Variants in MYO1D observed in about 807,000 individuals in gnomAD.
MYO1D encodes the protein unconventional myosin-Id.
A neutral mutation model predicts 122.0 loss-of-function variants in MYO1D; 83 were observed. That is an observed-to-expected ratio of 0.68 (90% confidence interval 0.57 to 0.82). MYO1D has a LOEUF of 0.82. Among genes scored for constraint, MYO1D ranks in the 40% least tolerant of loss-of-function variants. The pLI is 0.00. For synonymous variants in MYO1D, 464 were observed against 446.9 expected (o/e 1.04, Z -0.48); for missense variants, 1,157 against 1,269.5 (o/e 0.91, Z 1.35).
At chr17:32,523,019 G>A (rs1002112424) in intron 21 of MYO1D, among the ~76,000 whole-genome samples, 3 of 152,184 alleles carry the variant, frequency 2.0e-5, no homozygotes, top group African/African-American at 7.2e-5. Flanking sequence ...GTTTCACCAT[G>A]TTAGCCAGGA....
In MYO1D at chr17:32,659,240, G is replaced by C; in HGVS notation, c.2220C>G (p.Ile740Met). 6.2e-7 allele frequency: 1 copy of C among 1,614,202 alleles called. No homozygotes were observed. The highest frequency in any genetic ancestry group is 1.7e-5 in the Admixed American group (1 of 60,028). Reference sequence around the variant, plus strand: ...CATGGAAGCGTCTGGCCACCTCGTGGATGTACGACTTCACTTTGTAGCGCC... The same window carrying C: ...CATGGAAGCGTCTGGCCACCTCGTGCATGTACGACTTCACTTTGTAGCGCC... The part of the protein sequence containing the change: ...YYRRYKVKSY[I>M]HEVARRFHGV... The change falls in exon 17 of 22, where the codon ATC (isoleucine) becomes ATG (methionine). Residue 740 changes from isoleucine (I) to methionine (M), a missense_variant. By Grantham distance (10) the Ile-to-Met change is conservative (BLOSUM62 1). Coordinates refer to ENST00000318217, the MANE Select transcript of MYO1D (RefSeq NM_015194.3).
At chr17:32,811,581 C>T (rs1306288151) in intron 1 of MYO1D, among the ~76,000 whole-genome samples, 1 of 151,032 alleles carries the variant, frequency 6.6e-6, no homozygotes, top group Non-Finnish European at 1.5e-5. Flanking sequence ...ACACTGTATG[C>T]CCTCTAGCCA....
intron 16 of MYO1D, among the ~76,000 whole-genome samples, chr17:32,701,441 G>A (rs1197498122): frequency 2.0e-5 from 3 of 152,178 alleles, no homozygotes; most frequent in African/African-American, 7.2e-5. Context: ...AAATTGGTTA[G>A]AATTCTCTGT....
chr17:32,840,926 C>A (rs2090873686), intron 1 of MYO1D, among the ~76,000 whole-genome samples: 1 of 152,156 alleles, frequency 6.6e-6, no homozygotes, highest in African/African-American at 2.4e-5. Context: ...GACCATACTT[C>A]AAGTACCCAT....
intron 21 of MYO1D, among the ~76,000 whole-genome samples, chr17:32,602,163 C>A (rs1022355262): frequency 6.6e-6 from 1 of 152,168 alleles, no homozygotes; most frequent in South Asian, 2.1e-4. Context: ...TCTTCCTTAT[C>A]TCTAGTTAAC....
intron 16 of MYO1D, among the ~76,000 whole-genome samples, chr17:32,684,020 C>T (rs568581691): frequency 6.6e-6 from 1 of 152,190 alleles, no homozygotes; most frequent in East Asian, 1.9e-4. Context: ...CAGGTGCGTC[C>T]GTCACCCCTT....
chr17:32,648,059 T>TA (rs1292832658), intron 19 of MYO1D, among the ~76,000 whole-genome samples: 1 of 151,916 alleles, frequency 6.6e-6, no homozygotes, highest in Non-Finnish European at 1.5e-5. Context: ...ACTAAAAATA[T>TA]AAAAATTAGC....
chr17:32,820,553 T>C (rs991853010), intron 1 of MYO1D, among the ~76,000 whole-genome samples: 3 of 152,142 alleles, frequency 2.0e-5, no homozygotes, highest in Admixed American at 6.5e-5. Flanking sequence ...TGATTTCACT[T>C]ACAATATGGA....
At chr17:32,577,396 T>A (rs539623471) in intron 21 of MYO1D, among the ~76,000 whole-genome samples, 25 of 152,146 alleles carry the variant, frequency 1.6e-4, no homozygotes, top group African/African-American at 5.8e-4. Flanking sequence ...CCTCCCAAAG[T>A]GCTGGGACTA....
intron 17 of MYO1D, among the ~76,000 whole-genome samples, chr17:32,658,133 T>A (rs997671355): frequency 6.6e-6 from 1 of 152,200 alleles, no homozygotes; most frequent in African/African-American, 2.4e-5. Flanking sequence ...TTATGAGCAA[T>A]TATTTCTTTT....
At chr17:32,528,805 C>T (rs1003587252) in intron 21 of MYO1D, among the ~76,000 whole-genome samples, 7 of 152,240 alleles carry the variant, frequency 4.6e-5, no homozygotes, top group Non-Finnish European at 8.8e-5. Flanking sequence ...CTCCCAGAGG[C>T]CGGAGGGGTG....
At chr17:32,704,483 C>T (rs2089283078) in intron 16 of MYO1D, among the ~76,000 whole-genome samples, 1 of 152,124 alleles carries the variant, frequency 6.6e-6, no homozygotes, top group Non-Finnish European at 1.5e-5. Flanking sequence ...TACAATCTTT[C>T]TAGGGGCCAT....
chr17:32,552,448 CCATCCATCCATCCATT>C (rs2087026379), intron 21 of MYO1D, among the ~76,000 whole-genome samples: 1 of 132,876 alleles, frequency 7.5e-6, no homozygotes, highest in Admixed American at 7.3e-5. Flanking sequence ...ATCCATCCAT[CCATCCATCCATCCATT>C]CATCCATCCC....
intron 7 of MYO1D, among the ~76,000 whole-genome samples, chr17:32,767,066 T>C (rs1359155929): frequency 2.0e-5 from 3 of 152,246 alleles, no homozygotes; most frequent in Non-Finnish European, 4.4e-5. Flanking sequence ...TGTAAGATTA[T>C]ATGTTCAGTG....
chr17:32,707,062 A>G (rs911986892), intron 16 of MYO1D, among the ~76,000 whole-genome samples: 4 of 152,130 alleles, frequency 2.6e-5, no homozygotes, highest in African/African-American at 4.8e-5. Flanking sequence ...ATTTCATTAT[A>G]TTGAGAGTGA....
chr17:32,639,468 T>C (rs2150939698), intron 19 of MYO1D, among the ~76,000 whole-genome samples: 1 of 151,376 alleles, frequency 6.6e-6, no homozygotes, highest in East Asian at 1.9e-4. Context: ...AGGTAAATCT[T>C]TTCCTAAGAG....
At chr17:32,851,621 A>G (rs988695590) in intron 1 of MYO1D, among the ~76,000 whole-genome samples, 5 of 152,084 alleles carry the variant, frequency 3.3e-5, no homozygotes, top group African/African-American at 9.7e-5. Flanking sequence ...GTGGTCCCCA[A>G]CCTTTTGTGC....
chr17:32,852,230 A>G (rs1348994658), intron 1 of MYO1D, among the ~76,000 whole-genome samples: 1 of 152,092 alleles, frequency 6.6e-6, no homozygotes, highest in African/African-American at 2.4e-5. Flanking sequence ...GGTTCCAGAG[A>G]TTCTCTCACC....
rs1235003271 is a variant in MYO1D at position 32,844,682 on chromosome 17, G to A, written c.95+32096C>T. Among the ~76,000 whole-genome samples the A allele has an allele frequency of 4.0e-5, 6 of 151,766 alleles. No homozygotes were observed. In the East Asian group the frequency reaches 9.6e-4, roughly 24 times the overall value. The stretch of plus-strand genomic sequence containing the variant: ...TGAGGCTGCAGTGAGCTATGATCAC[G>A]CCACTGCACTCCAGCCTGGATGACA... On this transcript the variant is annotated intron_variant, in intron 1 of 21. Coordinates refer to ENST00000318217, the MANE Select transcript of MYO1D (RefSeq NM_015194.3).
Sources: gnomAD v4.1 joint callset for allele counts (sites outside exome capture counted in the v4.1 genomes callset) on GRCh38, gnomAD v4.1.1 for gene constraint, MANE v1.5 for transcripts, NCBI Gene and HGNC (gene_info 2026-07-23, HGNC 2026-07-21) for gene names.